LIPT2: variants seen among roughly 807,000 people sequenced by gnomAD.
LIPT2 encodes lipoyl(octanoyl) transferase 2, also known as octanoyl-[acyl-carrier-protein]:protein N-octanoyltransferase LIPT2, mitochondrial.
LIPT2 carries 16 observed loss-of-function variants against 16.2 expected under a neutral mutation model. The observed-to-expected ratio is 0.99, with a 90% CI of 0.67 to 1.50. The LOEUF is 1.50. Among genes scored for constraint, LIPT2 ranks in the 40% most tolerant of loss-of-function variants. LIPT2 has a pLI of 0.00. For missense variants in LIPT2, 424 were observed against 347.7 expected (o/e 1.22, Z -1.75); for synonymous variants, 199 against 169.3 (o/e 1.18, Z -1.36).
Position 74,492,090 on chromosome 11 carries a change from T to G in LIPT2, c.*45A>C, listed in dbSNP as rs1200161323. Reference sequence around the variant, plus strand: ...TTCAGTAGGTGACTCAAGTCAGACTTCATGCTTCCCAAGGCAGGAGCATCC... The same window carrying G: ...TTCAGTAGGTGACTCAAGTCAGACTGCATGCTTCCCAAGGCAGGAGCATCC... On this transcript the variant is annotated 3_prime_UTR_variant, in exon 2 of 2. Coordinates refer to ENST00000310109, the MANE Select transcript of LIPT2 (RefSeq NM_001144869.3). 3 of 1,477,460 alleles carry G rather than the reference T, an allele frequency of 2.0e-6. No homozygotes were observed. Among genetic ancestry groups the G allele is most frequent in the Non-Finnish European group, 2.8e-6 (3 of 1,080,492 alleles). 91.5% of individuals were successfully genotyped at this position (1,477,460 alleles called of 1,614,324 possible).
At position 74,493,405 on chromosome 11, in the gene LIPT2, T is replaced by G; in HGVS notation, c.299A>C (p.His100Pro). 2 of 1,515,938 alleles carry G rather than the reference T, an allele frequency of 1.3e-6. No individual in the cohort carries two copies. The highest frequency in any genetic ancestry group is 1.8e-6 in the Non-Finnish European group (2 of 1,139,152). 93.9% of individuals were successfully genotyped at this position (1,515,938 alleles called of 1,614,324 possible). A position where few individuals can be genotyped will look rare whatever the true frequency, so the allele number is the denominator to read the frequency against. Residue 100 changes from histidine (H) to proline (P), a missense_variant, in exon 1 of 2, where the codon CAC becomes CCC. Coordinates refer to ENST00000310109, the MANE Select transcript of LIPT2 (RefSeq NM_001144869.3). ...TFHGPGQLLC[H>P]PVLDLRRLGL... ...GAGACGCCGCAGGTCGAGTACCGGGTGGCAAAGCAGCTGGCCCGGGCCGTG... is the reference window on the plus strand; with the variant it reads ...GAGACGCCGCAGGTCGAGTACCGGGGGGCAAAGCAGCTGGCCCGGGCCGTG...
rs1215148745 is a variant in LIPT2 at position 74,493,539 on chromosome 11, G to A, written c.165C>T (p.Pro55=). 5.6e-6 allele frequency: 8 copies of A among 1,417,226 alleles called. No individual in the cohort carries two copies. The highest frequency in any genetic ancestry group is 7.3e-6 in the Non-Finnish European group (8 of 1,090,562). 87.8% of individuals were successfully genotyped at this position (1,417,226 alleles called of 1,614,324 possible). A position where few individuals can be genotyped will look rare whatever the true frequency, so the allele number is the denominator to read the frequency against. ...CGCCGCGCAGCCCGGCCGTATACACGGGCCCCGCGGGCTCGCAGAGCAGGA... is the reference window on the plus strand; with the variant it reads ...CGCCGCGCAGCCCGGCCGTATACACAGGCCCCGCGGGCTCGCAGAGCAGGA... ...GALLLCEPAG[P]VYTAGLRGGL... Residue 55 remains proline, a synonymous_variant, in exon 1 of 2, where the codon CCC becomes CCT. Coordinates refer to ENST00000310109, the MANE Select transcript of LIPT2 (RefSeq NM_001144869.3).
chr11:74,492,121 G>A lies in LIPT2; in HGVS notation c.*14C>T, dbSNP rs767424648. 9.1e-6 allele frequency: 14 copies of A among 1,541,298 alleles called. No individual in the cohort carries two copies. In the South Asian group the frequency reaches 1.7e-4, roughly 18 times the overall value. ...TTCCCAAGGCAGGAGCATCCTGGCT[G>A]TTATGAGTACTCTTCAGTTGGGGCT... On this transcript the variant is annotated 3_prime_UTR_variant, in exon 2 of 2. Coordinates refer to ENST00000310109, the MANE Select transcript of LIPT2 (RefSeq NM_001144869.3).
In LIPT2 at chr11:74,493,503, G is replaced by A. The variant is rs1864402504; in HGVS notation, c.201C>T (p.Pro67=). 12 of 1,434,192 alleles carry A rather than the reference G, an allele frequency of 8.4e-6. No homozygotes were observed. The highest frequency in any genetic ancestry group is 1.1e-5 in the Non-Finnish European group (12 of 1,099,898). 88.8% of individuals were successfully genotyped at this position (1,434,192 alleles called of 1,614,324 possible). ...AGGCCCGTAGCCGCGCAGTTTCCTC[G>A]GGCGTCAGGCCGCCGCGCAGCCCGG... is the stretch of plus-strand genomic sequence containing the variant. ...YTAGLRGGLT[P]EETARLRALG... is the part of the protein sequence containing the mutation. The change falls in exon 1 of 2, where the codon CCC becomes CCT. Residue 67 remains proline, a synonymous_variant. Transcript: ENST00000310109.
chr11:74,493,570 C>T lies in LIPT2; in HGVS notation c.134G>A (p.Gly45Asp). 6.9e-7 allele frequency: 1 copy of T among 1,443,180 alleles called. No individual in the cohort carries two copies. The highest frequency in any genetic ancestry group is 9.1e-7 in the Non-Finnish European group (1 of 1,103,276). The allele number at this position is 1,443,180 out of a possible 1,614,324, so 89.4% of individuals were successfully genotyped here. A position where few individuals can be genotyped will look rare whatever the true frequency, so the allele number is the denominator to read the frequency against. The change falls in exon 1 of 2, where the codon GGC becomes GAC. Residue 45 changes from glycine to aspartate, a missense_variant. By Grantham distance (94) the Gly-to-Asp change is moderately conservative. Transcript: ENST00000310109. ...GIEAPSGTEA[G>D]ALLLCEPAGP... ...CGCGGGCTCGCAGAGCAGGAGCGCG[C>T]CCGCCTCAGTCCCCGACGGGGCCTC...
At position 74,492,333 on chromosome 11, in the gene LIPT2, G is replaced by A. The variant is rs1027852812; in HGVS notation, c.498C>T (p.His166=). The A allele has an allele frequency of 3.9e-6, 6 of 1,551,576 alleles. No individual in the cohort carries two copies. The African/African-American group carries it at 4.1e-5, about 11-fold the overall frequency. ...GVRCGRHITS[H]GLALNCSTDL... ...CGGTAGAGCAGTTGAGAGCCAGGCC[G>A]TGGGATGTGATGTGCCTTCCACAGC... Residue 166 remains histidine (H), a synonymous_variant, in exon 2 of 2, where the codon CAC becomes CAT. Transcript: ENST00000310109.
intron 1 of LIPT2, among the ~76,000 whole-genome samples, chr11:74,492,769 T>A (rs910413229): frequency 6.6e-6 from 1 of 151,414 alleles, no homozygotes; most frequent in African/African-American, 2.4e-5. Context: ...GCCGGGCTGG[T>A]GGTGGGCGCC....
At chr11:74,492,861 G>A (rs187533109) in intron 1 of LIPT2, among the ~76,000 whole-genome samples, 2,319 of 145,678 alleles carry the variant, frequency 0.016, 63 homozygotes, top group African/African-American at 0.055. Context: ...CCGAGATTGC[G>A]CCACTGCACT....
In LIPT2 at chr11:74,493,336, G is replaced by C. The variant is rs1864392595; in HGVS notation, c.368C>G (p.Ala123Gly). ...GCCCTGGAGCTCGCACAGGCGCACG[G>C]CGCACGCCTCCAGCGACGCTACGTG... is the stretch of plus-strand genomic sequence containing the variant. ...RMHVASLEAC[A>G]VRLCELQGLQ... The change falls in exon 1 of 2, where the codon GCC becomes GGC. Residue 123 changes from alanine to glycine, a missense_variant. By Grantham distance (60) the Ala-to-Gly change is moderately conservative. Coordinates refer to ENST00000310109, the MANE Select transcript of LIPT2 (RefSeq NM_001144869.3). 1 of 1,495,338 alleles carries C rather than the reference G, an allele frequency of 6.7e-7. No individual in the cohort carries two copies. Among genetic ancestry groups the C allele is most frequent in the Non-Finnish European group, 8.9e-7 (1 of 1,128,586 alleles). 92.6% of individuals were successfully genotyped at this position (1,495,338 alleles called of 1,614,324 possible). A position where few individuals can be genotyped will look rare whatever the true frequency, so the allele number is the denominator to read the frequency against.
chr11:74,492,903 C>CAA lies in LIPT2; in HGVS notation c.466+333_466+334dup, dbSNP rs147536336. On this transcript the variant is annotated intron_variant, in intron 1 of 1. Transcript: ENST00000310109. ...TGGGTGACAAAGCGAGACTCTGTCT[C>CAA]AAAAAAAAAAAAAAAAAAAAGTTTG... Among the ~76,000 whole-genome samples the CAA allele has an allele frequency of 6.4e-3, 665 of 103,468 alleles. 7 individuals carry two copies. The highest frequency in any genetic ancestry group is 0.021 in the African/African-American group (527 of 25,120). The allele number at this position is 103,468 out of a possible 152,430, so 67.9% of individuals were successfully genotyped here.
At chr11:74,492,565 T>G (rs939808311) in intron 1 of LIPT2, among the ~76,000 whole-genome samples, 1 of 151,384 alleles carries the variant, frequency 6.6e-6, no homozygotes, top group Admixed American at 6.6e-5. Context: ...GCACTCATCA[T>G]GAGGATTCCA....
rs1395061244 is a variant in LIPT2, at chr11:74,493,724, C to T, written c.-21G>A. 2.2e-6 allele frequency: 3 copies of T among 1,344,448 alleles called. No individual in the cohort carries two copies. The African/African-American group carries it at 4.6e-5, about 21-fold the overall frequency. 83.3% of individuals were successfully genotyped at this position (1,344,448 alleles called of 1,614,324 possible). A position where few individuals can be genotyped will look rare whatever the true frequency, so the allele number is the denominator to read the frequency against. ...CGCATCGTGCCCACCGTTGCGTCCGCGGGGCCCCGCCCTCTCCGTGGGCCT... is the reference window on the plus strand; with the variant it reads ...CGCATCGTGCCCACCGTTGCGTCCGTGGGGCCCCGCCCTCTCCGTGGGCCT... On this transcript the variant is annotated 5_prime_UTR_variant, in exon 1 of 2. Transcript: ENST00000310109.
chr11:74,492,316 C>T lies in LIPT2; in HGVS notation c.515G>A (p.Cys172Tyr). The T allele has an allele frequency of 6.4e-7, 1 of 1,551,796 alleles. No homozygotes were observed. Among genetic ancestry groups the T allele is most frequent in the Non-Finnish European group, 8.7e-7 (1 of 1,146,974 alleles). ...HITSHGLALN[C>Y]STDLTWFEHI... The stretch of plus-strand genomic sequence containing the variant: ...CTCAAACCACGTGAGGTCGGTAGAG[C>T]AGTTGAGAGCCAGGCCGTGGGATGT... Residue 172 changes from cysteine (C) to tyrosine (Y), a missense_variant, in exon 2 of 2, where the codon TGC becomes TAC. Physicochemically the swap from Cys to Tyr is radical, Grantham distance 194 (BLOSUM62 -2). Transcript: ENST00000310109.
In LIPT2 at chr11:74,493,242, C is replaced by G. The variant is rs1397546342; in HGVS notation, c.462G>C (p.Ala154=). Residue 154 remains alanine (A), a synonymous_variant, in exon 1 of 2, where the codon GCG becomes GCC. Coordinates refer to ENST00000310109, the MANE Select transcript of LIPT2 (RefSeq NM_001144869.3). Reference sequence around the variant, plus strand: ...GCCCTGCTCCGCGGCGCTCACCGATCGCGCAGATCTTGCGATCGTCTAGCC... The same window carrying G: ...GCCCTGCTCCGCGGCGCTCACCGATGGCGCAGATCTTGCGATCGTCTAGCC... The part of the protein sequence containing the change: ...GVWLDDRKIC[A]IGVRCGRHIT... 3 of 1,347,096 alleles carry G rather than the reference C, an allele frequency of 2.2e-6. No individual in the cohort carries two copies. The highest frequency in any genetic ancestry group is 3.1e-5 in the East Asian group (1 of 32,320). The allele number at this position is 1,347,096 out of a possible 1,614,324, so 83.4% of individuals were successfully genotyped here.
rs1261368969 is a variant in LIPT2, at chr11:74,491,439, C to T, written c.*696G>A. ...TTGTTACACAGCAACAGATAATACGCAGCCTTACAAATTTAGAGGTCTCAT... is the reference window on the plus strand; with the variant it reads ...TTGTTACACAGCAACAGATAATACGTAGCCTTACAAATTTAGAGGTCTCAT... On this transcript the variant is annotated 3_prime_UTR_variant, in exon 2 of 2. Transcript: ENST00000310109. 1.3e-5 allele frequency among the ~76,000 whole-genome samples: 2 copies of T among 152,234 alleles called. No individual in the cohort carries two copies. The highest frequency in any genetic ancestry group is 2.9e-5 in the Non-Finnish European group (2 of 68,034).
rs1452776728 is a variant in LIPT2, at chr11:74,491,606, G to A, written c.*529C>T. The A allele has an allele frequency of 6.5e-6, 1 of 153,918 alleles. No individual in the cohort carries two copies. The highest frequency in any genetic ancestry group is 2.4e-5 in the African/African-American group (1 of 41,434). 9.5% of individuals were successfully genotyped at this position (153,918 alleles called of 1,614,324 possible). A position where few individuals can be genotyped will look rare whatever the true frequency, so the allele number is the denominator to read the frequency against. On this transcript the variant is annotated 3_prime_UTR_variant, in exon 2 of 2. Coordinates refer to ENST00000310109, the MANE Select transcript of LIPT2 (RefSeq NM_001144869.3). ...AACTTGGGGAATCAAACCCAGGAAG[G>A]TAAGATCCCATTTTATTCTTAGAAG...
Position 74,493,511 on chromosome 11 carries a change from G to C in LIPT2, c.193C>G (p.Leu65Val). The C allele has an allele frequency of 7.0e-7, 1 of 1,426,520 alleles. No individual in the cohort carries two copies. The highest frequency in any genetic ancestry group is 9.1e-7 in the Non-Finnish European group (1 of 1,096,170). 88.4% of individuals were successfully genotyped at this position (1,426,520 alleles called of 1,614,324 possible). Residue 65 changes from leucine (L) to valine (V), a missense_variant, in exon 1 of 2, where the codon CTG (leucine) becomes GTG (valine). Physicochemically the swap from Leu to Val is conservative, Grantham distance 32. Transcript: ENST00000310109. ...AGCCGCGCAGTTTCCTCGGGCGTCA[G>C]GCCGCCGCGCAGCCCGGCCGTATAC... is the stretch of plus-strand genomic sequence containing the variant. ...PVYTAGLRGG[L>V]TPEETARLRA...
At position 74,493,675 on chromosome 11, in the gene LIPT2, C is replaced by A. The variant is rs556366788; in HGVS notation, c.29G>T (p.Arg10Leu). The change falls in exon 1 of 2, where the codon CGC becomes CTC. Residue 10 changes from arginine to leucine, a missense_variant. Coordinates refer to ENST00000310109, the MANE Select transcript of LIPT2 (RefSeq NM_001144869.3). MRQPAVRLVRLGRVPYAELL... is the reference protein window; with the variant it reads MRQPAVRLVLLGRVPYAELL... The stretch of plus-strand genomic sequence containing the variant: ...CTCGGCGTACGGCACCCGACCCAGG[C>A]GCACCAACCGAACGGCGGGTTGCCG... 3.5e-5 allele frequency: 50 copies of A among 1,411,644 alleles called. No individual in the cohort carries two copies. The highest frequency in any genetic ancestry group is 4.3e-5 in the Non-Finnish European group (47 of 1,089,256). The allele number at this position is 1,411,644 out of a possible 1,614,324, so 87.4% of individuals were successfully genotyped here. A position where few individuals can be genotyped will look rare whatever the true frequency, so the allele number is the denominator to read the frequency against.
Position 74,490,904 on chromosome 11 carries a change from C to T in LIPT2, c.*1231G>A, listed in dbSNP as rs573582001. Among the ~76,000 whole-genome samples the T allele has an allele frequency of 2.0e-5, 3 of 152,306 alleles. No individual in the cohort carries two copies. Among genetic ancestry groups the T allele is most frequent in the East Asian group, 1.9e-4 (1 of 5,170 alleles). The stretch of plus-strand genomic sequence containing the variant: ...AACCAGGGTCCCCTGACTTCTCATT[C>T]GAGGCTCTTTCCACTCTTAATAGGC... On this transcript the variant is annotated 3_prime_UTR_variant, in exon 2 of 2. Coordinates refer to ENST00000310109, the MANE Select transcript of LIPT2 (RefSeq NM_001144869.3).
Sources: gnomAD v4.1 joint callset for allele counts (sites outside exome capture counted in the v4.1 genomes callset) on GRCh38, gnomAD v4.1.1 for gene constraint, MANE v1.5 for transcripts, NCBI Gene and HGNC (gene_info 2026-07-23, HGNC 2026-07-21) for gene names.